The following COL19A1 variants were observed in gnomAD, a reference collection of about 807,000 sequenced individuals.
COL19A1 encodes collagen type XIX alpha 1 chain.
COL19A1 carries 159 observed loss-of-function variants against 190.2 expected under a neutral mutation model. The ratio of observed to expected loss-of-function variants is 0.84; its 90% CI spans 0.73 to 0.95. COL19A1 has a LOEUF of 0.95. Among genes scored for constraint, COL19A1 ranks in the 40% least tolerant of loss-of-function variants. COL19A1 has a pLI of 0.00. For synonymous variants in COL19A1, 509 were observed against 458.9 expected (o/e 1.11, Z -1.39); for missense variants, 1,418 against 1,431.9 (o/e 0.99, Z 0.16).
chr6:70,077,184 C>T (rs1480982946), intron 15 of COL19A1, among the ~76,000 whole-genome samples: 1 of 152,164 alleles, frequency 6.6e-6, no homozygotes, highest in African/African-American at 2.4e-5. Flanking sequence ...GGTAATGGCA[C>T]ATAATTCTCA....
chr6:70,006,793 A>G (rs2150090260), intron 11 of COL19A1, among the ~76,000 whole-genome samples: 1 of 152,214 alleles, frequency 6.6e-6, no homozygotes, highest in South Asian at 2.1e-4. Context: ...ATTATATATG[A>G]TATCAATGAT....
chr6:70,031,255 C>G (rs1173013002), intron 12 of COL19A1, among the ~76,000 whole-genome samples: 1 of 151,682 alleles, frequency 6.6e-6, no homozygotes, highest in African/African-American at 2.4e-5. Context: ...TTAATTTGAG[C>G]AAATTCATGA....
In COL19A1 at chr6:69,879,612, A is replaced by G. The variant is rs746038013; in HGVS notation, c.45A>G (p.Ile15Met). 1.9e-6 allele frequency: 3 copies of G among 1,613,924 alleles called. No homozygotes were observed. In the South Asian group the frequency reaches 3.3e-5, roughly 18 times the overall value. ...GGAAACTTTGGCTTTGGATGTCAATATTTCTGCTTCCTGCTTCCACTTCCG... is the reference window on the plus strand; with the variant it reads ...GGAAACTTTGGCTTTGGATGTCAATGTTTCTGCTTCCTGCTTCCACTTCCG... The part of the protein sequence containing the change: ...GPWKLWLWMS[I>M]FLLPASTSVT... The change falls in exon 2 of 51, where the codon ATA becomes ATG. Residue 15 changes from isoleucine to methionine, a missense_variant. Ile to Met is a conservative substitution (Grantham distance 10). Transcript: ENST00000620364.
chr6:69,874,181 C>T (rs550227042), intron 1 of COL19A1, among the ~76,000 whole-genome samples: 118 of 152,130 alleles, frequency 7.8e-4, no homozygotes, highest in Non-Finnish European at 1.5e-3. Context: ...GCCTGAGAAC[C>T]GCAGGTGTCA....
At chr6:70,107,475 A>G (rs541049594) in intron 16 of COL19A1, among the ~76,000 whole-genome samples, 1 of 152,294 alleles carries the variant, frequency 6.6e-6, no homozygotes, top group South Asian at 2.1e-4. Context: ...ACAAGAGCCC[A>G]ATGTCATTGA....
chr6:70,006,191 C>T (rs1449490055), intron 11 of COL19A1, among the ~76,000 whole-genome samples: 1 of 152,194 alleles, frequency 6.6e-6, no homozygotes, highest in Non-Finnish European at 1.5e-5. Context: ...GGTTGCCCCT[C>T]ACCCTGGGAG....
intron 18 of COL19A1, among the ~76,000 whole-genome samples, chr6:70,134,932 T>C (rs1425161720): frequency 1.3e-5 from 2 of 151,944 alleles, no homozygotes; most frequent in Non-Finnish European, 2.9e-5. Context: ...AATCCCACAA[T>C]GCTGCCTTCC....
intron 34 of COL19A1, among the ~76,000 whole-genome samples, chr6:70,161,246 C>T (rs1053709882): frequency 1.3e-5 from 2 of 152,116 alleles, no homozygotes; most frequent in Admixed American, 6.6e-5. Context: ...AAACATATTC[C>T]ATTTTTCCCT....
chr6:69,932,494 T>A (rs1286125829), intron 6 of COL19A1, among the ~76,000 whole-genome samples: 2 of 152,050 alleles, frequency 1.3e-5, no homozygotes. Context: ...ATAGCTTTTT[T>A]AAAATTAAGT....
intron 2 of COL19A1, among the ~76,000 whole-genome samples, chr6:69,889,202 G>A (rs1769156305): frequency 6.6e-6 from 1 of 152,144 alleles, no homozygotes; most frequent in African/African-American, 2.4e-5. Context: ...AACGTATGTT[G>A]GAGAAGACTG....
chr6:70,181,055 T>G (rs182566149), intron 44 of COL19A1, among the ~76,000 whole-genome samples: 1 of 152,236 alleles, frequency 6.6e-6, no homozygotes, highest in Non-Finnish European at 1.5e-5. Flanking sequence ...TCATTCTGAC[T>G]AATCCAGTTC....
chr6:70,102,236 A>G lies in COL19A1; in HGVS notation c.1278+14A>G. The G allele has an allele frequency of 6.3e-7, 1 of 1,579,562 alleles. No individual in the cohort carries two copies. The highest frequency in any genetic ancestry group is 8.7e-7 in the Non-Finnish European group (1 of 1,148,584). ...CCAGGACCACCTGTGAGTAAACAATACAATGACTGTCCCTTTAAAGAGTCT... is the reference window on the plus strand; with the variant it reads ...CCAGGACCACCTGTGAGTAAACAATGCAATGACTGTCCCTTTAAAGAGTCT... On this transcript the variant is annotated intron_variant, in intron 16 of 50. Coordinates refer to ENST00000620364, the MANE Select transcript of COL19A1 (RefSeq NM_001858.6).
chr6:70,023,003 A>C, intron 11 of COL19A1, among the ~76,000 whole-genome samples: 1 of 152,148 alleles, frequency 6.6e-6, no homozygotes, highest in East Asian at 1.9e-4. Context: ...CACTGGCCCA[A>C]ATGAAATGAA....
chr6:70,161,812 A>G (rs1787825174), intron 34 of COL19A1, 88 bp from the exon 35 acceptor site: 4 of 927,452 alleles, frequency 4.3e-6, no homozygotes, highest in Non-Finnish European at 6.5e-6. Context: ...ATAAGTGTTT[A>G]ATGTTCAATG....
rs139558079 is a variant in COL19A1, at chr6:70,145,813, G to A, written c.1770+806G>A. Among the ~76,000 whole-genome samples the A allele has an allele frequency of 1.6e-4, 22 of 137,634 alleles. 1 individual carries two copies. Among genetic ancestry groups the A allele is most frequent in the African/African-American group, 5.2e-4 (20 of 38,210 alleles). The allele number at this position is 137,634 out of a possible 152,430, so 90.3% of individuals were successfully genotyped here. ...ATGGATCACTGCAGCCTCCACCTCC[G>A]GGATTCAAGTGATCCTCCCACCCCA... On this transcript the variant is annotated intron_variant, in intron 25 of 50. Coordinates refer to ENST00000620364, the MANE Select transcript of COL19A1 (RefSeq NM_001858.6).
intron 17 of COL19A1, among the ~76,000 whole-genome samples, chr6:70,122,385 A>C (rs1784933266): frequency 7.0e-6 from 1 of 143,698 alleles, no homozygotes; most frequent in African/African-American, 2.7e-5. Context: ...CCCACCTTTC[A>C]TGGGGAATTA....
Position 70,201,702 on chromosome 6 carries a change from A to G in COL19A1, c.3223+1966A>G, listed in dbSNP as rs577894168. Among the ~76,000 whole-genome samples, 7 of 152,348 alleles carry G rather than the reference A, an allele frequency of 4.6e-5. No homozygotes were observed. The East Asian group carries it at 1.2e-3, about 25-fold the overall frequency. ...TTGTTAAATTTGCCTAAAATTTAGC[A>G]AAAAATAAATAAAAATTGCAAAACA... On this transcript the variant is annotated intron_variant, in intron 49 of 50. Transcript: ENST00000620364.
intron 15 of COL19A1, among the ~76,000 whole-genome samples, chr6:70,091,091 T>C (rs11966810): frequency 0.051 from 7,712 of 152,272 alleles, 256 homozygotes; most frequent in Non-Finnish European, 0.075. Context: ...TTTTTCTGTA[T>C]TTCCTATCAC....
chr6:69,929,637 C>G lies in COL19A1; in HGVS notation c.603C>G (p.Asp201Glu), dbSNP rs777797605. 1 of 1,613,808 alleles carries G rather than the reference C, an allele frequency of 6.2e-7. No individual in the cohort carries two copies. Among genetic ancestry groups the G allele is most frequent in the Non-Finnish European group, 8.5e-7 (1 of 1,179,946 alleles). The change falls in exon 6 of 51, where the codon GAC becomes GAG. Residue 201 changes from aspartate to glutamate, a missense_variant. Asp to Glu is a conservative substitution (Grantham distance 45, BLOSUM62 2). Coordinates refer to ENST00000620364, the MANE Select transcript of COL19A1 (RefSeq NM_001858.6). ...LIARRQTDEK[D>E]TVDFHGRTVI... is the part of the protein sequence containing the mutation. ...CGAGGAGGCAGACTGATGAAAAGGA[C>G]ACTGTGGATTTCCATGGACGGACAG...
Sources: gnomAD v4.1 joint callset for allele counts (sites outside exome capture counted in the v4.1 genomes callset) on GRCh38, gnomAD v4.1.1 for gene constraint, MANE v1.5 for transcripts, NCBI Gene and HGNC (gene_info 2026-07-23, HGNC 2026-07-21) for gene names.